Variants in CDKL5 observed in about 807,000 individuals in gnomAD.
The protein encoded by CDKL5 is cyclin dependent kinase like 5.
In CDKL5, 8 loss-of-function variants were observed where a neutral mutation model predicts 61.7. That is an observed-to-expected ratio of 0.13 (90% confidence interval 0.08 to 0.23). The LOEUF is 0.23. CDKL5 is among the 10% of genes least tolerant of loss of function. CDKL5 has a pLI of 1.00. For missense variants in CDKL5, 440 were observed against 734.5 expected (o/e 0.60, Z 4.63); for synonymous variants, 275 against 272.3 (o/e 1.01, Z -0.10).
chrX:18,545,824 G>C (rs1395534005), intron 3 of CDKL5, among the ~76,000 whole-genome samples: 1 of 111,916 alleles, frequency 8.9e-6, no homozygotes, highest in East Asian at 2.8e-4. Context: ...TTTATCTGAG[G>C]CAGATTTTTT....
intron 3 of CDKL5, among the ~76,000 whole-genome samples, chrX:18,528,606 C>T (rs1197593943): frequency 1.8e-5 from 2 of 109,574 alleles, no homozygotes; most frequent in South Asian, 3.9e-4. Context: ...CTCTCTCTCT[C>T]TTTCTCTTGC....
In CDKL5 at chrX:18,571,070, G is replaced by A. The variant is rs1035128953; in HGVS notation, c.146-4284G>A. Among the ~76,000 whole-genome samples, 5 of 111,212 alleles carry A rather than the reference G, an allele frequency of 4.5e-5. No homozygotes were observed. The East Asian group carries it at 1.4e-3, about 32-fold the overall frequency. ...AGTTATCACATAGAAGTATGGACTC[G>A]GGAAGAGTCCTTCTGAATAATCCAG... On this transcript the variant is annotated intron_variant, in intron 4 of 17. Coordinates refer to ENST00000623535, the MANE Select transcript of CDKL5 (RefSeq NM_001323289.2).
In CDKL5 at chrX:18,604,446, A is replaced by G; in HGVS notation, c.1522A>G (p.Ile508Val). 2 of 1,211,637 alleles carry G rather than the reference A, an allele frequency of 1.7e-6. No homozygotes were observed. The highest frequency in any genetic ancestry group is 2.2e-6 in the Non-Finnish European group (2 of 895,325). Residue 508 changes from isoleucine to valine, a missense_variant, in exon 12 of 18, where the codon ATT (isoleucine) becomes GTT (valine). Transcript: ENST00000623535. ...VSNLSEARAQ[I>V]AEPSTSRYFP... ...CAACCTTTCTGAAGCCAGGGCCCAA[A>G]TTGCGGAGCCCAGTACCAGTAGGTA... is the stretch of plus-strand genomic sequence containing the variant.
chrX:18,536,911 A>C (rs1923860685), intron 3 of CDKL5, among the ~76,000 whole-genome samples: 1 of 111,190 alleles, frequency 9.0e-6, no homozygotes, highest in Non-Finnish European at 1.9e-5. Flanking sequence ...CATTACAGAA[A>C]GTTTTAGTAT....
chrX:18,473,113 G>A (rs1204710753), intron 1 of CDKL5, among the ~76,000 whole-genome samples: 1 of 108,724 alleles, frequency 9.2e-6, no homozygotes, highest in Non-Finnish European at 1.9e-5. Flanking sequence ...ATGCCACCAC[G>A]CCTGGCTAAT....
chrX:18,481,310 A>G (rs1273121818), intron 1 of CDKL5, among the ~76,000 whole-genome samples: 39 of 96,913 alleles, frequency 4.0e-4, no homozygotes, highest in Admixed American at 3.3e-3. Flanking sequence ...CATTTCACCA[A>G]AGAGTCCTGG....
At chrX:18,640,639 G>A (rs988539778), downstream of CDKL5, 2 of 112,254 alleles carry the variant, frequency 1.8e-5, no homozygotes, top group African/African-American at 3.2e-5. Flanking sequence ...AAAGGTGAAT[G>A]TGTTGTCCAG....
chrX:18,564,407 C>T (rs1924896003), intron 3 of CDKL5, 70 bp from the exon 4 acceptor site: 1 of 712,815 alleles, frequency 1.4e-6, no homozygotes, highest in Non-Finnish European at 2.2e-6. Context: ...AATATACCCC[C>T]AGGCAACTGG....
intron 2 of CDKL5, among the ~76,000 whole-genome samples, chrX:18,509,726 T>C (rs1426705733): frequency 8.9e-6 from 1 of 111,756 alleles, no homozygotes; most frequent in East Asian, 2.8e-4. Context: ...TAGTTACTTG[T>C]TGAAATACAC....
chrX:18,633,765 C>T lies in CDKL5; in HGVS notation c.*5008C>T. On this transcript the variant is annotated 3_prime_UTR_variant, in exon 18 of 18. Coordinates refer to ENST00000623535, the MANE Select transcript of CDKL5 (RefSeq NM_001323289.2). ...AGGCCTTCATGTGAGCCAGTTACTA[C>T]ATGAATCTTCATTTCCCACAGTGGT... 2.7e-6 allele frequency: 2 copies of T among 753,194 alleles called. No homozygotes were observed. Among genetic ancestry groups the T allele is most frequent in the African/African-American group, 4.6e-5 (2 of 43,592 alleles). 62.1% of individuals were successfully genotyped at this position (753,194 alleles called of 1,213,427 possible). A position where few individuals can be genotyped will look rare whatever the true frequency, so the allele number is the denominator to read the frequency against.
At chrX:18,558,971 G>T (rs1336843792) in intron 3 of CDKL5, among the ~76,000 whole-genome samples, 1 of 112,560 alleles carries the variant, frequency 8.9e-6, no homozygotes, top group Non-Finnish European at 1.9e-5. Flanking sequence ...GTGGTCTCCA[G>T]AATGCCACGA....
At chrX:18,436,797 A>T (rs1207975372) in intron 1 of CDKL5, among the ~76,000 whole-genome samples, 1 of 103,062 alleles carries the variant, frequency 9.7e-6, no homozygotes, top group Admixed American at 1.1e-4. Context: ...ACTCCCAGAG[A>T]GTAAGCTGGG....
chrX:18,560,584 T>C (rs1336948369), intron 3 of CDKL5, among the ~76,000 whole-genome samples: 1 of 112,066 alleles, frequency 8.9e-6, no homozygotes, highest in Non-Finnish European at 1.9e-5. Context: ...GTGCTGATGA[T>C]GCAATTGTGA....
intron 10 of CDKL5, among the ~76,000 whole-genome samples, chrX:18,596,317 T>C (rs775383086): frequency 1.8e-5 from 2 of 109,766 alleles, no homozygotes; most frequent in East Asian, 2.9e-4. Context: ...ATAGTGTACA[T>C]AGGTGTGGGG....
chrX:18,584,986 T>A (rs1200636025), intron 8 of CDKL5, among the ~76,000 whole-genome samples: 1 of 112,463 alleles, frequency 8.9e-6, no homozygotes, highest in African/African-American at 3.2e-5. Context: ...ACATTAAGAA[T>A]GTGAATATCC....
intron 9 of CDKL5, 135 bp downstream of exon 9, chrX:18,588,278 T>C: frequency 4.3e-6 from 2 of 467,936 alleles, no homozygotes; most frequent in Non-Finnish European, 7.1e-6. Context: ...ATCCCTATTA[T>C]AATATTTTAT....
At chrX:18,561,144 C>G (rs1363531070) in intron 3 of CDKL5, among the ~76,000 whole-genome samples, 1 of 111,612 alleles carries the variant, frequency 9.0e-6, no homozygotes, top group Admixed American at 9.6e-5. Flanking sequence ...CATACAGACT[C>G]TGGTGTCTGT....
intron 3 of CDKL5, among the ~76,000 whole-genome samples, chrX:18,518,396 T>TA (rs1410176443): frequency 1.8e-5 from 1 of 55,333 alleles, no homozygotes; most frequent in Non-Finnish European, 3.3e-5. Flanking sequence ...TTATTTTTTT[T>TA]TTTTTTTTTT....
chrX:18,428,406 A>G (rs1476908081), intron 1 of CDKL5, among the ~76,000 whole-genome samples: 1 of 112,562 alleles, frequency 8.9e-6, no homozygotes, highest in African/African-American at 3.2e-5. Flanking sequence ...CGTGTCTGTT[A>G]AAATTCACAT....
Sources: gnomAD v4.1 joint callset for allele counts (sites outside exome capture counted in the v4.1 genomes callset) on GRCh38, gnomAD v4.1.1 for gene constraint, MANE v1.5 for transcripts, NCBI Gene and HGNC (gene_info 2026-07-23, HGNC 2026-07-21) for gene names.